Variants in CPNE7 observed in about 807,000 individuals in gnomAD.
The protein encoded by CPNE7 is copine-7.
Under a neutral mutation model 66.5 loss-of-function variants are expected in CPNE7, and 78 were observed. That is an observed-to-expected ratio of 1.17 (90% CI 0.98 to 1.42). The LOEUF (loss-of-function observed/expected upper bound fraction) is 1.42, where lower values mean the gene tolerates loss of function less well. Ranked by LOEUF, CPNE7 falls within the 40% of genes most tolerant of loss-of-function variation. The pLI, the probability that CPNE7 is intolerant of heterozygous loss-of-function variation, is 0.00. For synonymous variants in CPNE7, 468 were observed against 336.7 expected (o/e 1.39, Z -4.27); for missense variants, 1,012 against 776.6 (o/e 1.30, Z -3.60).
At chr16:89,577,813 G>A in intron 2 of CPNE7, 92 bp downstream of exon 2, 1 of 1,328,602 alleles carries the variant, frequency 7.5e-7, no homozygotes, top group East Asian at 2.5e-5. Context: ...CAGGGACCCT[G>A]CTGGGGTGGC....
rs1362015542 is a variant in CPNE7 at position 89,580,522 on chromosome 16, G to A, written c.357+2801G>A. 5.7e-5 allele frequency among the ~76,000 whole-genome samples: 8 copies of A among 139,346 alleles called. No homozygotes were observed. In the East Asian group the frequency reaches 8.8e-4, roughly 15 times the overall value. 91.4% of individuals were successfully genotyped at this position (139,346 alleles called of 152,430 possible). On this transcript the variant is annotated intron_variant, in intron 2 of 14. Transcript: ENST00000319518. ...ACACAGAACATCTCACCCGTCACACGGAACATCCCATCACCCGTCACATGG... is the reference window on the plus strand; with the variant it reads ...ACACAGAACATCTCACCCGTCACACAGAACATCCCATCACCCGTCACATGG...
In CPNE7 at chr16:89,588,737, C is replaced by G; in HGVS notation, c.990C>G (p.Ile330Met). 1 of 1,613,708 alleles carries G rather than the reference C, an allele frequency of 6.2e-7. No individual in the cohort carries two copies. The highest frequency in any genetic ancestry group is 1.1e-5 in the South Asian group (1 of 91,086). Residue 330 changes from isoleucine (I) to methionine (M), a missense_variant, in exon 10 of 15, where the codon ATC becomes ATG. By Grantham distance (10) the Ile-to-Met change is conservative (BLOSUM62 1). Transcript: ENST00000319518. ...DPRNSCSLHY[I>M]NPYQPNEYLK... ...GGAACAGCTGCTCCCTGCACTACAT[C>G]AACCCCTACCAGCCGAACGAGTACC...
intron 1 of CPNE7, among the ~76,000 whole-genome samples, chr16:89,576,286 G>A (rs953185122): frequency 2.0e-5 from 3 of 152,092 alleles, no homozygotes; most frequent in African/African-American, 7.2e-5. Context: ...GGAGGTGGCG[G>A]CGAGCGGGGT....
chr16:89,577,474 G>T (rs1309890100), intron 1 of CPNE7, 65 bp from the exon 2 acceptor site: 2 of 1,498,442 alleles, frequency 1.3e-6, no homozygotes, highest in Non-Finnish European at 1.8e-6. Context: ...GCAGAGGGGA[G>T]ATGGAGGTCT....
Position 89,589,920 on chromosome 16 carries a change from G to A in CPNE7, c.1085G>A (p.Gly362Glu), listed in dbSNP as rs1311728503. The A allele has an allele frequency of 6.2e-7, 1 of 1,613,782 alleles. No individual in the cohort carries two copies. The highest frequency in any genetic ancestry group is 8.5e-7 in the Non-Finnish European group (1 of 1,179,988). Residue 362 changes from glycine (G) to glutamate (E), a missense_variant, in exon 11 of 15, where the codon GGG becomes GAG. Coordinates refer to ENST00000319518, the MANE Select transcript of CPNE7 (RefSeq NM_153636.3). ...AGTGACAAGAGGTTTTCCGCTTTGG[G>A]GTTTGGAGCCCGGATCCCTCCCAAG... Reference protein sequence around the residue: ...YDSDKRFSALGFGARIPPKYE... With the variant: ...YDSDKRFSALEFGARIPPKYE...
At chr16:89,582,033 G>C (rs1597697576) in intron 2 of CPNE7, among the ~76,000 whole-genome samples, 2 of 152,352 alleles carry the variant, frequency 1.3e-5, no homozygotes, top group South Asian at 4.1e-4. Flanking sequence ...CACACACACA[G>C]GGTCCGTGTG....
chr16:89,584,636 G>A lies in CPNE7; in HGVS notation c.508-138G>A. 3 of 678,718 alleles carry A rather than the reference G, an allele frequency of 4.4e-6. No homozygotes were observed. The highest frequency in any genetic ancestry group is 7.8e-6 in the Non-Finnish European group (3 of 383,306). 42.0% of individuals were successfully genotyped at this position (678,718 alleles called of 1,614,324 possible). On this transcript the variant is annotated intron_variant, in intron 4 of 14. Transcript: ENST00000319518. This position sits in a 1 kb window ranked among gnomAD's most constrained non-coding sequence, Gnocchi z 6.0. Reference sequence around the variant, plus strand: ...GGGAGGGACGAGATGCTGTCGGCGGGGACTGGCTGCCTCGTTTTGTGCCTG... The same window carrying A: ...GGGAGGGACGAGATGCTGTCGGCGGAGACTGGCTGCCTCGTTTTGTGCCTG...
intron 11 of CPNE7, among the ~76,000 whole-genome samples, chr16:89,590,750 C>T (rs962518347): frequency 1.0e-3 from 91 of 89,090 alleles, no homozygotes; most frequent in African/African-American, 3.8e-3. Context: ...GGGGCCAGGT[C>T]GGGGGAGCAG....
At chr16:89,587,444 C>T (rs1335622779) in intron 9 of CPNE7, 3 of 405,938 alleles carry the variant, frequency 7.4e-6, no homozygotes, top group South Asian at 1.7e-5. Context: ...CCTGGGGGTC[C>T]TCCCTTTTGC....
chr16:89,589,748 G>A (rs928845681), intron 10 of CPNE7, 149 bp from the exon 11 acceptor site: 1 of 789,654 alleles, frequency 1.3e-6, no homozygotes, highest in Non-Finnish European at 2.1e-6. Context: ...CTGAGCCTCG[G>A]TTCCCCACCT....
intron 1 of CPNE7, among the ~76,000 whole-genome samples, chr16:89,576,544 G>T (rs1431972599): frequency 6.6e-6 from 1 of 152,192 alleles, no homozygotes; most frequent in Non-Finnish European, 1.5e-5. Context: ...TCCAACGTGG[G>T]TCTCAAGCGA....
chr16:89,585,035 CCG>C, intron 5 of CPNE7, among the ~76,000 whole-genome samples, 178 bp downstream of exon 5: 2 of 152,098 alleles, frequency 1.3e-5, no homozygotes, highest in Non-Finnish European at 2.9e-5. Flanking sequence ...GCCCTGGGGG[CCG>C]TGGCTGTGGC....
intron 13 of CPNE7, among the ~76,000 whole-genome samples, chr16:89,592,435 G>C (rs930525037): frequency 6.7e-6 from 1 of 149,674 alleles, no homozygotes; most frequent in African/African-American, 2.5e-5. Context: ...GTATTTGTAT[G>C]TTTTCTTTTT....
chr16:89,593,535 G>A (rs558029624), intron 13 of CPNE7, among the ~76,000 whole-genome samples: 10 of 152,172 alleles, frequency 6.6e-5, no homozygotes, highest in Admixed American at 1.3e-4. Context: ...TGTATTTTTA[G>A]TAGAGACGGG....
chr16:89,596,767 C>A lies in CPNE7; in HGVS notation c.*146C>A, dbSNP rs1350645507. On this transcript the variant is annotated 3_prime_UTR_variant, in exon 15 of 15. Transcript: ENST00000319518. ...CCCCACTCCCAGTCCTCCTGGGATCCTGCTGGCTTGGGCCCGGCTCTGGGG... is the reference window on the plus strand; with the variant it reads ...CCCCACTCCCAGTCCTCCTGGGATCATGCTGGCTTGGGCCCGGCTCTGGGG... The A allele has an allele frequency of 1.7e-5, 18 of 1,089,242 alleles. No homozygotes were observed. Among genetic ancestry groups the A allele is most frequent in the Non-Finnish European group, 1.6e-5 (13 of 821,142 alleles). 67.5% of individuals were successfully genotyped at this position (1,089,242 alleles called of 1,614,324 possible). A position where few individuals can be genotyped will look rare whatever the true frequency, so the allele number is the denominator to read the frequency against.
intron 8 of CPNE7, 142 bp downstream of exon 8, chr16:89,586,898 AG>A: frequency 9.2e-7 from 1 of 1,088,416 alleles, no homozygotes; most frequent in Non-Finnish European, 1.4e-6. Flanking sequence ...GGGAAGGGCG[AG>A]GTTGGGGAGA....
At chr16:89,586,627 C>T in intron 7 of CPNE7, 43 bp from the exon 8 acceptor site, 2 of 1,537,862 alleles carry the variant, frequency 1.3e-6, no homozygotes, top group Non-Finnish European at 1.8e-6. Flanking sequence ...GGTAGGTGTT[C>T]AGAGCCACCA....
intron 13 of CPNE7, among the ~76,000 whole-genome samples, chr16:89,591,626 A>C (rs1012505473): frequency 3.9e-5 from 6 of 152,106 alleles, no homozygotes; most frequent in Admixed American, 6.5e-5. Flanking sequence ...CGAGAACTGC[A>C]CTGGATTCTA....
At chr16:89,587,581 G>C (rs1316339591) in intron 9 of CPNE7, 1 of 420,256 alleles carries the variant, frequency 2.4e-6, no homozygotes. Context: ...GGAGAAACTG[G>C]AGTGAGCGTT....
Sources: gnomAD v4.1 joint callset for allele counts (sites outside exome capture counted in the v4.1 genomes callset) on GRCh38, gnomAD v4.1.1 for gene constraint, Gnocchi (gnomAD v3.1) non-coding constraint, MANE v1.5 for transcripts, NCBI Gene and HGNC (gene_info 2026-07-23, HGNC 2026-07-21) for gene names.